Variants in MYT1L observed in about 807,000 individuals in gnomAD.
MYT1L encodes the protein myelin transcription factor 1 like, also known as myelin transcription factor 1-like protein.
Under a neutral mutation model 126.7 loss-of-function variants are expected in MYT1L, and 12 were observed. That is an observed-to-expected ratio of 0.09 (90% CI 0.06 to 0.15). The LOEUF is 0.15. Ranked by LOEUF, MYT1L falls within the 10% of genes least tolerant of loss-of-function variation. The pLI, the probability that MYT1L is intolerant of heterozygous loss-of-function variation, is 1.00. For synonymous variants in MYT1L, 541 were observed against 604.2 expected, an observed-to-expected ratio of 0.90 and a Z score of 1.53; for missense variants, 979 against 1,585.2, an observed-to-expected ratio of 0.62 and a Z score of 6.49.
chr2:1,975,635 G>T (rs942412336), intron 8 of MYT1L, among the ~76,000 whole-genome samples: 1 of 152,150 alleles, frequency 6.6e-6, no homozygotes, highest in African/African-American at 2.4e-5. Context: ...AGGCTGAGGC[G>T]GGTGGATCAC....
chr2:1,793,671 G>A lies in MYT1L; in HGVS notation c.3277-1207C>T, dbSNP rs1013360395. Among the ~76,000 whole-genome samples the A allele has an allele frequency of 9.9e-5, 15 of 152,144 alleles. No homozygotes were observed. The highest frequency in any genetic ancestry group is 9.2e-4 in the Admixed American group (14 of 15,276). Reference sequence around the variant, plus strand: ...CCTCCAGGATGAAGTGGGGAGGGCCGGCCTTCTCCTTGGAAGGAATCGCAG... The same window carrying A: ...CCTCCAGGATGAAGTGGGGAGGGCCAGCCTTCTCCTTGGAAGGAATCGCAG... On this transcript the variant is annotated intron_variant, in intron 23 of 24. Coordinates refer to ENST00000647738, the MANE Select transcript of MYT1L (RefSeq NM_001303052.2). This position sits in a 1 kb window ranked among gnomAD's most constrained non-coding sequence, Gnocchi z 4.6.
intron 1 of MYT1L, chr2:2,324,550 C>T (rs966793608): frequency 2.6e-5 from 4 of 152,648 alleles, no homozygotes; most frequent in African/African-American, 9.7e-5. Flanking sequence ...GGCCTGAAGT[C>T]GAAGATGGAA....
chr2:2,305,465 TTATCA>T (rs994809893), intron 1 of MYT1L, among the ~76,000 whole-genome samples: 2 of 152,208 alleles, frequency 1.3e-5, no homozygotes, highest in African/African-American at 4.8e-5. Flanking sequence ...GTTTTAAAAA[TTATCA>T]TTAAACAGGG....
chr2:2,038,942 G>A (rs1171240295), intron 4 of MYT1L, among the ~76,000 whole-genome samples: 1 of 152,064 alleles, frequency 6.6e-6, no homozygotes, highest in East Asian at 1.9e-4. Flanking sequence ...GGTGTTCGTG[G>A]CTCCTTTCGC....
Position 2,190,749 on chromosome 2 carries a change from T to C in MYT1L, c.-420-17761A>G, listed in dbSNP as rs2092545258. Among the ~76,000 whole-genome samples, 6 of 152,290 alleles carry C rather than the reference T, an allele frequency of 3.9e-5. No homozygotes were observed. The South Asian group carries it at 1.0e-3, about 26-fold the overall frequency. On this transcript the variant is annotated intron_variant, in intron 2 of 24. Transcript: ENST00000647738. ...GTGATTGTAATAAATGTTCTGACTC[T>C]TCTGCCATGATCAAGCGTATGGCAG... is the stretch of plus-strand genomic sequence containing the variant.
At chr2:1,964,960 C>T (rs1265957983) in intron 8 of MYT1L, among the ~76,000 whole-genome samples, 1 of 152,218 alleles carries the variant, frequency 6.6e-6, no homozygotes, top group African/African-American at 2.4e-5. Flanking sequence ...GCAATCCTCA[C>T]TGTTCTAGGA....
intron 18 of MYT1L, among the ~76,000 whole-genome samples, chr2:1,877,799 G>GAAAAA (rs745948307): frequency 6.7e-6 from 1 of 149,738 alleles, no homozygotes; most frequent in African/African-American, 2.5e-5. Context: ...CTAAATTGTA[G>GAAAAA]AAAAAAAAAA....
intron 2 of MYT1L, among the ~76,000 whole-genome samples, chr2:2,193,669 T>C (rs2092688022): frequency 6.6e-6 from 1 of 152,208 alleles, no homozygotes; most frequent in Non-Finnish European, 1.5e-5. Flanking sequence ...AGAGTGAGAA[T>C]TGAAAATAAC....
rs1379388151 is a variant in MYT1L at position 1,886,597 on chromosome 2, A to G, written c.2653T>C (p.Cys885Arg). 6.3e-7 allele frequency: 1 copy of G among 1,582,520 alleles called. No individual in the cohort carries two copies. The highest frequency in any genetic ancestry group is 1.4e-5 in the African/African-American group (1 of 73,632). The stretch of plus-strand genomic sequence containing the variant: ...CGAATGCTTTTGTCCGCCAGGGGGC[A>G]GCCAGACAGACTGTAAGACAGGCCG... ...SKKDLITLSG[C>R]PLADKSIRSM... Residue 885 changes from cysteine to arginine, a missense_variant, in exon 18 of 25, where the codon TGC becomes CGC. By Grantham distance (180) the Cys-to-Arg change is radical. This residue lies in a region of MYT1L where 179 missense variants were observed against 398.6 expected (regional missense o/e 0.45). Coordinates refer to ENST00000647738, the MANE Select transcript of MYT1L (RefSeq NM_001303052.2).
chr2:2,178,164 T>C (rs982024202), intron 2 of MYT1L, among the ~76,000 whole-genome samples: 3 of 151,854 alleles, frequency 2.0e-5, no homozygotes, highest in Admixed American at 2.0e-4. Flanking sequence ...AACTGAAAAA[T>C]TTAATGATTT....
chr2:1,795,864 C>T (rs2033361899), intron 23 of MYT1L: 1 of 152,230 alleles, frequency 6.6e-6, no homozygotes, highest in Non-Finnish European at 1.5e-5. Context: ...TAGGCCCAAA[C>T]CCGCATTTTT....
chr2:2,197,679 A>G (rs1282434443), intron 2 of MYT1L, among the ~76,000 whole-genome samples: 2 of 151,990 alleles, frequency 1.3e-5, no homozygotes, highest in African/African-American at 4.8e-5. Context: ...ATATAAACAC[A>G]TGTATACATA....
intron 5 of MYT1L, among the ~76,000 whole-genome samples, chr2:1,980,945 C>T (rs1478994781): frequency 3.3e-5 from 5 of 152,100 alleles, no homozygotes; most frequent in South Asian, 4.1e-4. Flanking sequence ...GCCTCTACAC[C>T]GGCTCACAGG....
chr2:1,913,608 C>G (rs1243273851), intron 11 of MYT1L, among the ~76,000 whole-genome samples: 1 of 152,206 alleles, frequency 6.6e-6, no homozygotes, highest in African/African-American at 2.4e-5. Context: ...GACAACAGCA[C>G]ACGAATGCTT....
chr2:1,941,224 GGTTAAGGCCCCTGGTGTAAACGATACCTA>G (rs1244029465), intron 9 of MYT1L, among the ~76,000 whole-genome samples: 14 of 152,136 alleles, frequency 9.2e-5, no homozygotes, highest in African/African-American at 3.1e-4. Context: ...CTTAAAACCT[GGTTAAGGCCCCTGGTGTAAACGATACCTA>G]TTTACAGATT....
intron 3 of MYT1L, among the ~76,000 whole-genome samples, chr2:2,111,985 G>T (rs1013842746): frequency 3.3e-5 from 5 of 152,194 alleles, no homozygotes; most frequent in African/African-American, 9.7e-5. Flanking sequence ...GTTCTATATT[G>T]TTCTTTGAAG....
At chr2:1,975,108 G>A (rs542436304) in intron 8 of MYT1L, among the ~76,000 whole-genome samples, 3 of 152,140 alleles carry the variant, frequency 2.0e-5, no homozygotes, top group South Asian at 4.2e-4. Flanking sequence ...CAGGTATTAA[G>A]CACTGGTTGA....
In MYT1L at chr2:2,156,824, G is replaced by A. The variant is rs539122354; in HGVS notation, c.-304+16048C>T. 1.2e-3 allele frequency among the ~76,000 whole-genome samples: 176 copies of A among 152,320 alleles called. 1 individual carries two copies. Among genetic ancestry groups the A allele is most frequent in the African/African-American group, 3.9e-3 (163 of 41,580 alleles). On this transcript the variant is annotated intron_variant, in intron 3 of 24. Transcript: ENST00000647738. ...TGTCATCTTGGGAACAGAGCAAAGC[G>A]GCTGTTGGAGAGCCCTGCTGAGACA...
intron 3 of MYT1L, among the ~76,000 whole-genome samples, chr2:2,142,942 C>T (rs1024899894): frequency 2.0e-5 from 3 of 151,404 alleles, no homozygotes; most frequent in African/African-American, 7.3e-5. Context: ...CTGCCTCGGC[C>T]TCCCAAATTG....
Sources: gnomAD v4.1 joint callset for allele counts (sites outside exome capture counted in the v4.1 genomes callset) on GRCh38, gnomAD v4.1.1 for gene constraint, gnomAD v4.1.1 regional missense constraint, Gnocchi (gnomAD v3.1) non-coding constraint, MANE v1.5 for transcripts, NCBI Gene and HGNC (gene_info 2026-07-23, HGNC 2026-07-21) for gene names.